ADAM9: variants seen among roughly 807,000 people sequenced by gnomAD.
The protein encoded by ADAM9 is disintegrin and metalloproteinase domain-containing protein 9.
ADAM9 carries 54 observed loss-of-function variants against 108.1 expected under a neutral mutation model. That is an observed-to-expected ratio of 0.50 (90% confidence interval 0.40 to 0.63). The LOEUF (loss-of-function observed/expected upper bound fraction) is 0.63. ADAM9 is among the 20% of genes least tolerant of loss of function. ADAM9 has a pLI of 0.00. For missense variants in ADAM9, 830 were observed against 997.7 expected (o/e 0.83, Z 2.26); for synonymous variants, 316 against 336.0 (o/e 0.94, Z 0.65).
intron 16 of ADAM9, among the ~76,000 whole-genome samples, chr8:39,079,588 T>C (rs993326471): frequency 4.0e-5 from 6 of 151,020 alleles, no homozygotes; most frequent in Admixed American, 2.0e-4. Context: ...TTTTAAAATA[T>C]CATGAATTTT....
intron 11 of ADAM9, among the ~76,000 whole-genome samples, chr8:39,040,426 A>G (rs991777624): frequency 6.6e-6 from 1 of 152,200 alleles, no homozygotes; most frequent in South Asian, 2.1e-4. Flanking sequence ...CACTTCCTTG[A>G]TGATTAATGA....
intron 11 of ADAM9, among the ~76,000 whole-genome samples, chr8:39,034,063 A>G (rs1337952900): frequency 6.6e-6 from 1 of 151,950 alleles, no homozygotes. Context: ...TTTTATATTT[A>G]TTTTCACTTT....
At chr8:39,053,240 G>T (rs999466038) in intron 12 of ADAM9, among the ~76,000 whole-genome samples, 3 of 152,084 alleles carry the variant, frequency 2.0e-5, no homozygotes, top group African/African-American at 7.2e-5. Flanking sequence ...TTCTCTATCA[G>T]ATTGTCAATA....
intron 21 of ADAM9, among the ~76,000 whole-genome samples, chr8:39,103,206 A>T (rs976773229): frequency 6.6e-6 from 1 of 152,228 alleles, no homozygotes; most frequent in African/African-American, 2.4e-5. Flanking sequence ...TCTCATGTTG[A>T]GGGAGCTATA....
chr8:39,062,199 TTGCCCTGG>T, intron 14 of ADAM9, among the ~76,000 whole-genome samples: 1 of 152,274 alleles, frequency 6.6e-6, no homozygotes, highest in Non-Finnish European at 1.5e-5. Context: ...TATATAACCA[TTGCCCTGG>T]TAAAAGCCAT....
intron 18 of ADAM9, 59 bp from the exon 19 acceptor site, chr8:39,089,988 C>T (rs1588429292): frequency 1.3e-6 from 2 of 1,493,918 alleles, no homozygotes; most frequent in East Asian, 4.5e-5. Flanking sequence ...TTATAATCAT[C>T]TAGTATTTTC....
At chr8:39,037,328 C>T (rs1385658200) in intron 11 of ADAM9, among the ~76,000 whole-genome samples, 2 of 145,830 alleles carry the variant, frequency 1.4e-5, no homozygotes, top group Admixed American at 6.9e-5. Context: ...GGATTACAAG[C>T]GTAAGCCACC....
At chr8:39,054,115 C>T (rs1255645162) in intron 12 of ADAM9, among the ~76,000 whole-genome samples, 1 of 152,166 alleles carries the variant, frequency 6.6e-6, no homozygotes, top group African/African-American at 2.4e-5. Flanking sequence ...CAGCCCTCTG[C>T]AAGCCAGGAA....
At chr8:39,080,440 G>C (rs939262428) in intron 16 of ADAM9, among the ~76,000 whole-genome samples, 1 of 152,136 alleles carries the variant, frequency 6.6e-6, no homozygotes, top group African/African-American at 2.4e-5. Flanking sequence ...GTACAAGAAA[G>C]GATAGCAAGT....
intron 8 of ADAM9, among the ~76,000 whole-genome samples, chr8:39,022,719 A>T (rs538395983): frequency 1.4e-5 from 2 of 146,978 alleles, no homozygotes; most frequent in African/African-American, 5.0e-5. Context: ...GTTTTATTGT[A>T]TTTTTTTTTT....
At chr8:39,040,872 G>T (rs867253188) in intron 11 of ADAM9, among the ~76,000 whole-genome samples, 1 of 152,152 alleles carries the variant, frequency 6.6e-6, no homozygotes, top group African/African-American at 2.4e-5. Context: ...TCAATAAATG[G>T]TTCTGGGGTA....
chr8:39,081,971 G>A (rs1839037988), intron 16 of ADAM9, among the ~76,000 whole-genome samples: 1 of 151,928 alleles, frequency 6.6e-6, no homozygotes, highest in African/African-American at 2.4e-5. Context: ...TTAGATCTTA[G>A]GTTTAATATT....
Position 39,017,970 on chromosome 8 carries a change from A to G in ADAM9, c.606+556A>G, listed in dbSNP as rs568094722. On this transcript the variant is annotated intron_variant, in intron 6 of 21. Coordinates refer to ENST00000487273, the MANE Select transcript of ADAM9 (RefSeq NM_003816.3). ...AACCCTAGATTGGAAAAAGAGAGAG[A>G]TACGGCTTTAGGAACTTAATGACTT... Among the ~76,000 whole-genome samples the G allele has an allele frequency of 2.4e-4, 36 of 152,360 alleles. 1 individual carries two copies. Among genetic ancestry groups the G allele is most frequent in the African/African-American group, 8.4e-4 (35 of 41,580 alleles).
intron 21 of ADAM9, among the ~76,000 whole-genome samples, chr8:39,103,341 T>G (rs1839759152): frequency 6.6e-6 from 1 of 152,158 alleles, no homozygotes; most frequent in Non-Finnish European, 1.5e-5. Context: ...ATGTGCTTTT[T>G]TTTTTTTTGA....
chr8:39,017,357 G>A lies in ADAM9; in HGVS notation c.549G>A (p.Glu183=). 1 of 1,614,090 alleles carries A rather than the reference G, an allele frequency of 6.2e-7. No homozygotes were observed. The highest frequency in any genetic ancestry group is 8.5e-7 in the Non-Finnish European group (1 of 1,180,000). Residue 183 remains glutamate (E), a synonymous_variant, in exon 6 of 22, where the codon GAG becomes GAA. Coordinates refer to ENST00000487273, the MANE Select transcript of ADAM9 (RefSeq NM_003816.3). ...GTGGAGTTTCCAACAAGGATATAGA[G>A]AAAGAAACTGCAAAGGATGAAGAGG... ...LKCGVSNKDI[E]KETAKDEEEE... is the part of the protein sequence containing the mutation.
chr8:39,094,619 C>G (rs1286407771), intron 20 of ADAM9, among the ~76,000 whole-genome samples: 1 of 152,000 alleles, frequency 6.6e-6, no homozygotes, highest in African/African-American at 2.4e-5. Flanking sequence ...TTGATCTTTT[C>G]AGATTTTTTA....
At chr8:39,099,334 T>G (rs1315070967) in intron 20 of ADAM9, among the ~76,000 whole-genome samples, 1 of 151,966 alleles carries the variant, frequency 6.6e-6, no homozygotes, top group East Asian at 1.9e-4. Context: ...CGTTCTTGGT[T>G]TTTTTTTGGC....
Position 39,007,984 on chromosome 8 carries a change from G to C in ADAM9, c.195+1G>C, listed in dbSNP as rs2129432044. 6.3e-7 allele frequency: 1 copy of C among 1,578,402 alleles called. No homozygotes were observed. The highest frequency in any genetic ancestry group is 1.1e-5 in the South Asian group (1 of 90,328). On this transcript the variant is annotated splice_donor_variant, in intron 2 of 21. Transcript: ENST00000487273. LOFTEE classifies it high-confidence loss of function. Reference sequence around the variant, plus strand: ...AGCCCCTAGGCCCTATTCAAAACAAGTAAGTTATAATTGTTGAGAAATAAT... The same window carrying C: ...AGCCCCTAGGCCCTATTCAAAACAACTAAGTTATAATTGTTGAGAAATAAT...
At chr8:39,077,932 A>G (rs1838899754) in intron 16 of ADAM9, among the ~76,000 whole-genome samples, 1 of 152,164 alleles carries the variant, frequency 6.6e-6, no homozygotes, top group African/African-American at 2.4e-5. Context: ...GCGGGCAGAA[A>G]CTGTAAGAAT....
Sources: gnomAD v4.1 joint callset for allele counts (sites outside exome capture counted in the v4.1 genomes callset) on GRCh38, gnomAD v4.1.1 for gene constraint, MANE v1.5 for transcripts, NCBI Gene and HGNC (gene_info 2026-07-23, HGNC 2026-07-21) for gene names.